The following TOGARAM1 variants were observed in gnomAD, a reference collection of about 807,000 sequenced individuals.
The protein encoded by TOGARAM1 is TOG array regulator of axonemal microtubules 1, also known as TOG array regulator of axonemal microtubules protein 1.
In TOGARAM1, 100 loss-of-function variants were observed where a neutral mutation model predicts 166.6. That is an observed-to-expected ratio of 0.60 (90% CI 0.51 to 0.71). The LOEUF (loss-of-function observed/expected upper bound fraction) is 0.71, where lower values mean the gene tolerates loss of function less well. TOGARAM1 is among the 30% of genes least tolerant of loss of function. The probability of loss-of-function intolerance (pLI) is 0.00; values close to 1 mark genes in which losing one functional copy is unlikely to be tolerated. For missense variants in TOGARAM1, 2,029 were observed against 2,102.7 expected (o/e 0.96, Z 0.69); for synonymous variants, 758 against 763.8 (o/e 0.99, Z 0.13).
At chr14:45,058,553 A>G (rs1882755591) in intron 16 of TOGARAM1, among the ~76,000 whole-genome samples, 1 of 152,128 alleles carries the variant, frequency 6.6e-6, no homozygotes, top group African/African-American at 2.4e-5. Context: ...TTGGCCTCCC[A>G]AAGTGCTTGG....
At chr14:44,997,072 T>G (rs1293649156) in intron 2 of TOGARAM1, 1 of 151,932 alleles carries the variant, frequency 6.6e-6, no homozygotes. Context: ...GTGGCTAGAG[T>G]TGATGGAGGC....
In TOGARAM1 at chr14:44,962,237, T is replaced by C; in HGVS notation, c.-185T>C. The C allele has an allele frequency of 1.6e-6, 1 of 628,636 alleles. No individual in the cohort carries two copies. Among genetic ancestry groups the C allele is most frequent in the East Asian group, 2.9e-5 (1 of 33,922 alleles). 38.9% of individuals were successfully genotyped at this position (628,636 alleles called of 1,614,324 possible). On this transcript the variant is annotated 5_prime_UTR_variant, in exon 1 of 20. Coordinates refer to ENST00000361462, the MANE Select transcript of TOGARAM1 (RefSeq NM_001308120.2). ...CGGTGGCAGCTGTGGGGTCTAGGGC[T>C]CAGACGGGGGCCATTTTGCCAGAGG... is the stretch of plus-strand genomic sequence containing the variant.
chr14:45,047,501 A>T (rs1381917950), intron 14 of TOGARAM1, among the ~76,000 whole-genome samples: 1 of 152,122 alleles, frequency 6.6e-6, no homozygotes, highest in Non-Finnish European at 1.5e-5. Context: ...TGATGCTTTT[A>T]CTGGAAAAAC....
At chr14:44,999,006 A>G (rs1196681140) in intron 2 of TOGARAM1, among the ~76,000 whole-genome samples, 1 of 152,234 alleles carries the variant, frequency 6.6e-6, no homozygotes, top group Non-Finnish European at 1.5e-5. Flanking sequence ...GAGTTTGGTA[A>G]TAGAGCTTTT....
intron 1 of TOGARAM1, among the ~76,000 whole-genome samples, chr14:44,985,471 C>T (rs1886746227): frequency 6.6e-6 from 1 of 152,180 alleles, no homozygotes; most frequent in Non-Finnish European, 1.5e-5. Flanking sequence ...GGGATGGTTT[C>T]AGGATGAACC....
intron 6 of TOGARAM1, 190 bp from the exon 7 acceptor site, chr14:45,011,785 A>ATGTG (rs113794576): frequency 0.048 from 19,908 of 413,998 alleles, 349 homozygotes; most frequent in East Asian, 0.074. Context: ...CAAAATATAT[A>ATGTG]TGTGTGTGTG....
intron 16 of TOGARAM1, among the ~76,000 whole-genome samples, chr14:45,061,481 A>C (rs192108914): frequency 6.6e-6 from 1 of 152,304 alleles, no homozygotes; most frequent in Admixed American, 6.5e-5. Flanking sequence ...TTGGGACAAA[A>C]TGTTTAGCAT....
intron 16 of TOGARAM1, among the ~76,000 whole-genome samples, chr14:45,056,434 T>A (rs1326465426): frequency 6.6e-6 from 1 of 152,210 alleles, no homozygotes; most frequent in Non-Finnish European, 1.5e-5. Context: ...AGTGGGCATC[T>A]TTGACTTGTT....
intron 1 of TOGARAM1, among the ~76,000 whole-genome samples, chr14:44,968,792 C>G (rs985737259): frequency 5.3e-5 from 8 of 152,180 alleles, no homozygotes; most frequent in African/African-American, 1.9e-4. Context: ...GTATCCATGT[C>G]TTATGTTCAG....
chr14:45,030,595 A>C (rs530383190), intron 10 of TOGARAM1, among the ~76,000 whole-genome samples: 16 of 152,304 alleles, frequency 1.1e-4, no homozygotes, highest in South Asian at 2.1e-4. Context: ...ATGAGGGTCC[A>C]TCTGAACCAT....
intron 1 of TOGARAM1, among the ~76,000 whole-genome samples, chr14:44,970,013 A>T (rs528712252): frequency 6.6e-6 from 1 of 151,686 alleles, no homozygotes; most frequent in Non-Finnish European, 1.5e-5. Flanking sequence ...TGTTGAGTTC[A>T]CTCTTCTGGG....
intron 1 of TOGARAM1, among the ~76,000 whole-genome samples, chr14:44,973,367 A>G (rs932451467): frequency 6.6e-6 from 1 of 151,902 alleles, no homozygotes; most frequent in African/African-American, 2.4e-5. Flanking sequence ...GTACCTTATA[A>G]TAACAGAATA....
chr14:45,044,763 T>A lies in TOGARAM1; in HGVS notation c.4047T>A (p.Gly1349=). 1 of 1,614,022 alleles carries A rather than the reference T, an allele frequency of 6.2e-7. No individual in the cohort carries two copies. The highest frequency in any genetic ancestry group is 8.5e-7 in the Non-Finnish European group (1 of 1,179,964). The change falls in exon 13 of 20, where the codon GGT becomes GGA. Residue 1349 remains glycine, a synonymous_variant. Coordinates refer to ENST00000361462, the MANE Select transcript of TOGARAM1 (RefSeq NM_001308120.2). ...TAAAAGTTTTGTTGCACAAGGCTGG[T>A]GAATCAAATACATTTATAAGAGAAG... ...TTVKVLLHKA[G]ESNTFIREDV...
intron 1 of TOGARAM1, among the ~76,000 whole-genome samples, chr14:44,984,426 C>T (rs972328120): frequency 3.3e-5 from 5 of 151,486 alleles, no homozygotes; most frequent in African/African-American, 1.2e-4. Context: ...TAAATTTAAA[C>T]ATAATTAACC....
intron 1 of TOGARAM1, among the ~76,000 whole-genome samples, chr14:44,972,167 G>A (rs564434298): frequency 1.3e-5 from 2 of 152,214 alleles, no homozygotes; most frequent in East Asian, 3.9e-4. Context: ...AATTTGAAAT[G>A]AGATTTGGGA....
intron 11 of TOGARAM1, among the ~76,000 whole-genome samples, chr14:45,043,386 C>G (rs956782339): frequency 2.0e-5 from 3 of 152,118 alleles, no homozygotes; most frequent in African/African-American, 7.2e-5. Context: ...CCATGTTGGC[C>G]TGGCTGGTCT....
intron 1 of TOGARAM1, among the ~76,000 whole-genome samples, chr14:44,992,443 A>G (rs1240834909): frequency 6.6e-6 from 1 of 152,008 alleles, no homozygotes; most frequent in Admixed American, 6.6e-5. Flanking sequence ...TAAAGCCAGG[A>G]GTATAGGTGA....
chr14:45,009,207 A>C, intron 6 of TOGARAM1, 62 bp downstream of exon 6: 1 of 1,213,622 alleles, frequency 8.2e-7, no homozygotes. Flanking sequence ...TAGAGCCCTA[A>C]TATCATATTT....
chr14:45,072,191 T>G (rs960382750), intron 19 of TOGARAM1, among the ~76,000 whole-genome samples: 1 of 152,144 alleles, frequency 6.6e-6, no homozygotes, highest in African/African-American at 2.4e-5. Context: ...GGCAAAATGC[T>G]AGGGTTTAAG....
Sources: gnomAD v4.1 joint callset for allele counts (sites outside exome capture counted in the v4.1 genomes callset) on GRCh38, gnomAD v4.1.1 for gene constraint, MANE v1.5 for transcripts, NCBI Gene and HGNC (gene_info 2026-07-23, HGNC 2026-07-21) for gene names.